The following PLCG2 variants were observed in gnomAD, a reference collection of about 807,000 sequenced individuals.
PLCG2 encodes 1-phosphatidylinositol 4,5-bisphosphate phosphodiesterase gamma-2.
A neutral mutation model predicts 175.6 loss-of-function variants in PLCG2; 69 were observed. That is an observed-to-expected ratio of 0.39 (90% CI 0.32 to 0.48). PLCG2 has a LOEUF of 0.48. Among genes scored for constraint, PLCG2 ranks in the 20% least tolerant of loss-of-function variants. PLCG2 has a pLI of 0.91. For missense variants in PLCG2, 1,798 were observed against 1,650.9 expected (o/e 1.09, Z -1.54); for synonymous variants, 827 against 624.0 (o/e 1.33, Z -4.85).
chr16:81,930,608 CTTTGTGG>C (rs1910458462), intron 24 of PLCG2, among the ~76,000 whole-genome samples: 2 of 151,730 alleles, frequency 1.3e-5, no homozygotes, highest in African/African-American at 4.8e-5. Flanking sequence ...ATTAGCCAGG[CTTTGTGG>C]TGTGCACCTG....
rs145837627 is a variant in PLCG2, at chr16:81,868,549, A to T, written c.480-665A>T. 3.9e-5 allele frequency among the ~76,000 whole-genome samples: 6 copies of T among 152,144 alleles called. No homozygotes were observed. In the East Asian group the frequency reaches 7.7e-4, roughly 20 times the overall value. ...GGTAGAGTCAGTAGGAGTCTTGTTC[A>T]TCCATTCATGTGTGTCGCTAATTAG... On this transcript the variant is annotated intron_variant, in intron 5 of 32. Coordinates refer to ENST00000564138, the MANE Select transcript of PLCG2 (RefSeq NM_002661.5).
chr16:81,859,391 C>T (rs549043887), intron 5 of PLCG2: 4 of 498,636 alleles, frequency 8.0e-6, no homozygotes, highest in Admixed American at 3.7e-5. Flanking sequence ...GAGATGATCT[C>T]TGCCATGGGG....
At chr16:81,845,600 T>C (rs1396444347) in intron 2 of PLCG2, among the ~76,000 whole-genome samples, 1 of 152,196 alleles carries the variant, frequency 6.6e-6, no homozygotes, top group Non-Finnish European at 1.5e-5. Context: ...GAACATGAAT[T>C]TGCAGCCCCT....
chr16:81,900,520 G>T (rs992034771), intron 13 of PLCG2, 92 bp from the exon 14 acceptor site: 1 of 1,197,176 alleles, frequency 8.4e-7, no homozygotes, highest in South Asian at 1.7e-5. Flanking sequence ...CCCGGTTTCT[G>T]TCGTCCCAGG....
In PLCG2 at chr16:81,790,913, C is replaced by T. The variant is rs546529282; in HGVS notation, c.193+4731C>T. Among the ~76,000 whole-genome samples the T allele has an allele frequency of 1.2e-4, 19 of 152,114 alleles. No homozygotes were observed. In the South Asian group the frequency reaches 2.7e-3, roughly 22 times the overall value. On this transcript the variant is annotated intron_variant, in intron 2 of 32. Coordinates refer to ENST00000564138, the MANE Select transcript of PLCG2 (RefSeq NM_002661.5). ...ATGTTCTGTAGTGCACAGGACAGTC[C>T]GCACCACAGAGAGTGATCCAGCAAA...
intron 1 of PLCG2, among the ~76,000 whole-genome samples, chr16:81,783,878 C>G (rs1390246173): frequency 1.3e-5 from 2 of 152,144 alleles, no homozygotes; most frequent in East Asian, 1.9e-4. Context: ...TTTGCTTAAA[C>G]TTAAAGCCAG....
intron 2 of PLCG2, among the ~76,000 whole-genome samples, chr16:81,801,537 A>T (rs990476756): frequency 6.6e-6 from 1 of 152,190 alleles, no homozygotes; most frequent in Non-Finnish European, 1.5e-5. Context: ...TCAATGCTGG[A>T]CATTTAGGTT....
intron 9 of PLCG2, among the ~76,000 whole-genome samples, chr16:81,887,117 TG>T (rs985118595): frequency 4.0e-5 from 6 of 151,360 alleles, no homozygotes; most frequent in African/African-American, 1.5e-4. Flanking sequence ...CAGGCAAAGT[TG>T]TTTTTTTTTT....
intron 2 of PLCG2, among the ~76,000 whole-genome samples, chr16:81,801,056 G>A (rs1187186931): frequency 6.6e-6 from 1 of 152,138 alleles, no homozygotes. Flanking sequence ...TCCCAGTGAT[G>A]CCTTGATTTT....
intron 19 of PLCG2, among the ~76,000 whole-genome samples, chr16:81,918,658 G>A (rs1909939129): frequency 1.3e-5 from 2 of 152,244 alleles, no homozygotes; most frequent in Non-Finnish European, 2.9e-5. Flanking sequence ...TAGCTTTGTA[G>A]TATATTTTGA....
intron 2 of PLCG2, among the ~76,000 whole-genome samples, chr16:81,797,614 A>C (rs922025516): frequency 1.3e-5 from 2 of 152,062 alleles, no homozygotes; most frequent in African/African-American, 4.8e-5. Flanking sequence ...ATACCTGGTT[A>C]ACAGATGAAT....
intron 18 of PLCG2, among the ~76,000 whole-genome samples, chr16:81,911,537 A>C (rs1909621398): frequency 6.6e-6 from 1 of 152,062 alleles, no homozygotes; most frequent in African/African-American, 2.4e-5. Context: ...TCCTGGGCTC[A>C]AGTGATCCTC....
chr16:81,919,725 G>T lies in PLCG2; in HGVS notation c.2235+61G>T, dbSNP rs1220113230. 5 of 1,425,320 alleles carry T rather than the reference G, an allele frequency of 3.5e-6. No homozygotes were observed. The African/African-American group carries it at 7.0e-5, about 20-fold the overall frequency. The allele number at this position is 1,425,320 out of a possible 1,614,324, so 88.3% of individuals were successfully genotyped here. ...TCTTGTCTGAGGTTGTAACTCATCT[G>T]TTCATGAATTCAGCAAACCTCTGAG... is the stretch of plus-strand genomic sequence containing the variant. On this transcript the variant is annotated intron_variant, in intron 20 of 32. Transcript: ENST00000564138.
intron 2 of PLCG2, among the ~76,000 whole-genome samples, chr16:81,796,971 C>G (rs1399078563): frequency 3.9e-5 from 6 of 152,174 alleles, no homozygotes; most frequent in African/African-American, 1.4e-4. Context: ...ATTGACCTAC[C>G]CATTCAGCCA....
chr16:81,827,011 C>T (rs543104059), intron 2 of PLCG2, among the ~76,000 whole-genome samples: 2 of 152,316 alleles, frequency 1.3e-5, no homozygotes, highest in South Asian at 4.1e-4. Context: ...CTTCCAGCCT[C>T]CCTGTTCCCC....
At chr16:81,821,749 G>A (rs1367064101) in intron 2 of PLCG2, among the ~76,000 whole-genome samples, 3 of 152,216 alleles carry the variant, frequency 2.0e-5, no homozygotes, top group Non-Finnish European at 4.4e-5. Flanking sequence ...CCGCTAACTT[G>A]CCAAGCAACT....
At position 81,919,661 on chromosome 16, in the gene PLCG2, T is replaced by C. The variant is rs201591234; in HGVS notation, c.2232T>C (p.Asn744=). ...PVTPELLERY[N]MERDINSLYD... is the part of the protein sequence containing the mutation. ...CCCCCGAGCTCCTGGAGCGCTACAA[T>C]ATGGTAGGTGGTGGACTCCCTTGTG... is the stretch of plus-strand genomic sequence containing the variant. Residue 744 remains asparagine (N), a synonymous_variant, in exon 20 of 33, where the codon AAT becomes AAC. Transcript: ENST00000564138. 5.6e-5 allele frequency: 90 copies of C among 1,611,858 alleles called. 1 individual carries two copies. The East Asian group carries it at 2.0e-3, about 36-fold the overall frequency.
At chr16:81,905,589 A>T in intron 15 of PLCG2, 82 bp downstream of exon 15, 3 of 848,594 alleles carry the variant, frequency 3.5e-6, no homozygotes, top group Non-Finnish European at 6.0e-6. Flanking sequence ...AGCTCTGAGA[A>T]TACGCCTGTC....
At position 81,801,696 on chromosome 16, in the gene PLCG2, C is replaced by T. The variant is rs562976221; in HGVS notation, c.193+15514C>T. On this transcript the variant is annotated intron_variant, in intron 2 of 32. Coordinates refer to ENST00000564138, the MANE Select transcript of PLCG2 (RefSeq NM_002661.5). ...TTTTATTTTCTTTAATTTTTTTTTT[C>T]TTGAGGTGGTGTCTTGCTTTGTCAC... 4.4e-4 allele frequency among the ~76,000 whole-genome samples: 65 copies of T among 148,736 alleles called. No individual in the cohort carries two copies. In the Middle Eastern group the frequency reaches 0.017, roughly 40 times the overall value.
Sources: gnomAD v4.1 joint callset for allele counts (sites outside exome capture counted in the v4.1 genomes callset) on GRCh38, gnomAD v4.1.1 for gene constraint, MANE v1.5 for transcripts, NCBI Gene and HGNC (gene_info 2026-07-23, HGNC 2026-07-21) for gene names.